USP35: variants seen among roughly 807,000 people sequenced by gnomAD.
USP35 encodes the protein ubiquitin specific peptidase 35, also known as ubiquitin carboxyl-terminal hydrolase 35.
A neutral mutation model predicts 83.8 loss-of-function variants in USP35; 69 were observed. The observed-to-expected ratio is 0.82, with a 90% CI of 0.68 to 1.01. USP35 has a LOEUF of 1.01. Ranked by LOEUF, USP35 falls within the 50% of genes least tolerant of loss-of-function variation. USP35 has a pLI of 0.00. For synonymous variants in USP35, 714 were observed against 589.5 expected, an observed-to-expected ratio of 1.21 and a Z score of -3.06; for missense variants, 1,503 against 1,362.5, an observed-to-expected ratio of 1.10 and a Z score of -1.62.
intron 4 of USP35, 48 bp from the exon 5 acceptor site, chr11:78,200,085 C>T: frequency 6.3e-7 from 1 of 1,597,166 alleles, no homozygotes; most frequent in Non-Finnish European, 8.6e-7. Flanking sequence ...TTCTACTTGG[C>T]CTCAGCAGCT....
downstream of USP35, among the ~76,000 whole-genome samples, chr11:78,220,147 C>T (rs1045495281): frequency 6.6e-6 from 1 of 151,858 alleles, no homozygotes; most frequent in Non-Finnish European, 1.5e-5. Flanking sequence ...GAATAGGAGT[C>T]TTTAGACCTA....
chr11:78,210,111 A>T lies in USP35; in HGVS notation c.2256A>T (p.Thr752=), dbSNP rs780300989. 6.2e-7 allele frequency: 1 copy of T among 1,613,960 alleles called. No individual in the cohort carries two copies. Among genetic ancestry groups the T allele is most frequent in the Admixed American group, 1.7e-5 (1 of 60,018 alleles). Residue 752 remains threonine (T), a synonymous_variant, in exon 10 of 11, where the codon ACA becomes ACT. Coordinates refer to ENST00000529308, the MANE Select transcript of USP35 (RefSeq NM_020798.4). ...CTGCCATCCCCTCCGGGGAGCGGAC[A>T]TGTGGCTCTGAGGGCTCCCGCTCCG... ...PDAAIPSGER[T]CGSEGSRSVL... is the part of the protein sequence containing the mutation.
chr11:78,226,611 CGGGGTGG>C, the USP35 span: 30 of 282,664 alleles, frequency 1.1e-4, no homozygotes, highest in Non-Finnish European at 1.6e-4. Flanking sequence ...CTTGGGGGGG[CGGGGTGG>C]GGGAGCTATG....
chr11:78,209,628 G>C lies in USP35; in HGVS notation c.1773G>C (p.Glu591Asp), dbSNP rs781162816. ...LCCLNVSSRE[E>D]AFTDLSLAFP... is the part of the protein sequence containing the mutation. The stretch of plus-strand genomic sequence containing the variant: ...GCCTCAACGTCTCCTCCCGGGAGGA[G>C]GCCTTCACGGACCTCTCTCTCGCCT... The change falls in exon 10 of 11, where the codon GAG becomes GAC. Residue 591 changes from glutamate to aspartate, a missense_variant. Physicochemically the swap from Glu to Asp is conservative, Grantham distance 45. Coordinates refer to ENST00000529308, the MANE Select transcript of USP35 (RefSeq NM_020798.4). The C allele has an allele frequency of 1.2e-6, 2 of 1,614,132 alleles. No individual in the cohort carries two copies. Among genetic ancestry groups the C allele is most frequent in the East Asian group, 4.5e-5 (2 of 44,864 alleles).
In USP35 at chr11:78,209,709, A is replaced by T; in HGVS notation, c.1854A>T (p.Thr618=). ...RRRLGSVMRP[T]EDITARELPP... is the part of the protein sequence containing the mutation. ...GCCTGGGCTCTGTGATGCGCCCCACAGAAGACATCACAGCCCGGGAGTTGC... is the reference window on the plus strand; with the variant it reads ...GCCTGGGCTCTGTGATGCGCCCCACTGAAGACATCACAGCCCGGGAGTTGC... Residue 618 remains threonine (T), a synonymous_variant, in exon 10 of 11, where the codon ACA becomes ACT. Coordinates refer to ENST00000529308, the MANE Select transcript of USP35 (RefSeq NM_020798.4). The T allele has an allele frequency of 6.2e-7, 1 of 1,614,042 alleles. No homozygotes were observed. The highest frequency in any genetic ancestry group is 8.5e-7 in the Non-Finnish European group (1 of 1,179,976).
chr11:78,199,134 T>C (rs1863256762), intron 3 of USP35: 1 of 177,130 alleles, frequency 5.6e-6, no homozygotes, highest in Non-Finnish European at 1.2e-5. Context: ...TAGCTGCTGT[T>C]ATCTCCTTTA....
At position 78,200,692 on chromosome 11, in the gene USP35, G is replaced by T. The variant is rs1590903194; in HGVS notation, c.1081G>T (p.Glu361Ter). 1 of 1,614,080 alleles carries T rather than the reference G, an allele frequency of 6.2e-7. No individual in the cohort carries two copies. The change falls in exon 6 of 11, where the codon GAG (glutamate) becomes TAG (stop). Residue 361 changes from glutamate (E) to a stop codon, truncating the protein, a stop_gained. Transcript: ENST00000529308. LOFTEE classifies it high-confidence loss of function. ...CCCCATGGTGGCCTCTCTGGTCAAGGAGGACTCGAACTCGGGGACCAGCTG... is the reference window on the plus strand; with the variant it reads ...CCCCATGGTGGCCTCTCTGGTCAAGTAGGACTCGAACTCGGGGACCAGCTG... ...IPPMVASLVK[E>*]DSNSGTSCLE...
Position 78,209,606 on chromosome 11 carries a change from T to A in USP35, c.1751T>A (p.Leu584His). Residue 584 changes from leucine to histidine, a missense_variant, in exon 10 of 11, where the codon CTC (leucine) becomes CAC (histidine). Physicochemically the swap from Leu to His is moderately conservative, Grantham distance 99. Transcript: ENST00000529308. ...IVTRICCLCC[L>H]NVSSREEAFT... The stretch of plus-strand genomic sequence containing the variant: ...ACTCGGATCTGCTGTCTCTGCTGCC[T>A]CAACGTCTCCTCCCGGGAGGAGGCC... 1 of 1,614,142 alleles carries A rather than the reference T, an allele frequency of 6.2e-7. No individual in the cohort carries two copies. Among genetic ancestry groups the A allele is most frequent in the Non-Finnish European group, 8.5e-7 (1 of 1,180,014 alleles).
chr11:78,193,974 T>C (rs1470357082), intron 1 of USP35, among the ~76,000 whole-genome samples: 1 of 152,230 alleles, frequency 6.6e-6, no homozygotes, highest in Non-Finnish European at 1.5e-5. Context: ...TCAAGTGATC[T>C]GCCTGCCTTG....
chr11:78,200,924 GTCT>G (rs1863336247), intron 6 of USP35, 116 bp downstream of exon 6: 1 of 1,403,372 alleles, frequency 7.1e-7, no homozygotes, highest in African/African-American at 1.4e-5. Context: ...GTGCCTGGCT[GTCT>G]CCCATCACCT....
At chr11:78,234,696 G>A in the USP35 span, among the ~76,000 whole-genome samples, 1 of 151,138 alleles carries the variant, frequency 6.6e-6, no homozygotes, top group Non-Finnish European at 1.5e-5. Flanking sequence ...GTGATCTACA[G>A]GTTTTTGTCC....
intron 1 of USP35, among the ~76,000 whole-genome samples, chr11:78,195,525 T>G (rs1305949896): frequency 6.6e-6 from 1 of 152,036 alleles, no homozygotes; most frequent in South Asian, 2.1e-4. Flanking sequence ...GAGGTGTCAT[T>G]TTTTGTGTGT....
At chr11:78,233,927 A>G in the USP35 span, among the ~76,000 whole-genome samples, 1 of 152,118 alleles carries the variant, frequency 6.6e-6, no homozygotes, top group Admixed American at 6.5e-5. Context: ...CTTTTCTTAA[A>G]GAGGCCTCTT....
At chr11:78,191,143 CA>C (rs1862992855) in intron 1 of USP35, among the ~76,000 whole-genome samples, 1 of 150,296 alleles carries the variant, frequency 6.7e-6, no homozygotes, top group Non-Finnish European at 1.5e-5. Flanking sequence ...TGGGGCTGAG[CA>C]TAGGAGTTGT....
chr11:78,219,350 G>C, downstream of USP35: 4 of 1,613,786 alleles, frequency 2.5e-6, no homozygotes, highest in South Asian at 3.3e-5. Flanking sequence ...GCAGGGCCTG[G>C]GTCTTCTCCT....
rs58529829 is a variant in USP35, at chr11:78,202,317, G to C, written c.1197+1509G>C. On this transcript the variant is annotated intron_variant, in intron 6 of 10. Transcript: ENST00000529308. The stretch of plus-strand genomic sequence containing the variant: ...ATGGTCTAGGAAAAAATATGCACAT[G>C]GTTTTAAATAGACATCAGGGAAACT... Among the ~76,000 whole-genome samples the C allele has an allele frequency of 3.0e-3, 459 of 152,338 alleles. 4 individuals carry two copies. The highest frequency in any genetic ancestry group is 0.011 in the African/African-American group (441 of 41,592).
Position 78,196,553 on chromosome 11 carries a change from G to A in USP35, c.308G>A (p.Cys103Tyr). The A allele has an allele frequency of 8.1e-7, 1 of 1,240,600 alleles. No individual in the cohort carries two copies. The highest frequency in any genetic ancestry group is 1.0e-6 in the Non-Finnish European group (1 of 986,362). 76.8% of individuals were successfully genotyped at this position (1,240,600 alleles called of 1,614,324 possible). A position where few individuals can be genotyped will look rare whatever the true frequency, so the allele number is the denominator to read the frequency against. Residue 103 changes from cysteine to tyrosine, a missense_variant, in exon 2 of 11, where the codon TGC becomes TAC. Transcript: ENST00000529308. The surrounding 1 kb of genome is among the most constrained non-coding windows in gnomAD (Gnocchi z 4.8). Reference protein sequence around the residue: ...AGPPGPRALACVQLGLQLLPE... With the variant: ...AGPPGPRALAYVQLGLQLLPE... ...CCCCCGGGCCCCCGCGCGCTCGCCT[G>A]CGTGCAGCTGGGTCTGCAGCTGCTG...
At position 78,209,444 on chromosome 11, in the gene USP35, C is replaced by G. The variant is rs1308359469; in HGVS notation, c.1593-4C>G. 2.5e-6 allele frequency: 4 copies of G among 1,593,762 alleles called. No individual in the cohort carries two copies. The highest frequency in any genetic ancestry group is 4.5e-5 in the East Asian group (2 of 44,644). ...ATGTAGTGACTCTGTGCTCTCTGCC[C>G]CAGGCTGCACGAAGAGGAGAAAACG... On this transcript the variant is annotated splice_polypyrimidine_tract_variant and splice_region_variant and intron_variant, in intron 9 of 10. Transcript: ENST00000529308.
At chr11:78,217,019 C>T (rs1864181684), downstream of USP35, 1 of 152,538 alleles carries the variant, frequency 6.6e-6, no homozygotes, top group Admixed American at 6.5e-5. Context: ...TTCCAAGCCT[C>T]TCCTTCCTTC....
Sources: gnomAD v4.1 joint callset for allele counts (sites outside exome capture counted in the v4.1 genomes callset) on GRCh38, gnomAD v4.1.1 for gene constraint, Gnocchi (gnomAD v3.1) non-coding constraint, MANE v1.5 for transcripts, NCBI Gene and HGNC (gene_info 2026-07-23, HGNC 2026-07-21) for gene names.